ABR: variants seen among roughly 807,000 people sequenced by gnomAD.
ABR encodes the protein ABR activator of RhoGEF and GTPase.
ABR carries 35 observed loss-of-function variants against 107.2 expected under a neutral mutation model. The observed-to-expected ratio is 0.33, with a 90% CI of 0.25 to 0.43. ABR has a LOEUF of 0.43. ABR is among the 20% of genes least tolerant of loss of function. The pLI is 1.00. For missense variants in ABR, 815 were observed against 1,115.2 expected (o/e 0.73, Z 3.83); for synonymous variants, 498 against 462.0 (o/e 1.08, Z -1.00).
At chr17:1,222,585 GTAGGAAATTCATTTCCCATAAAGAT>G (rs1413306916) in intron 1 of ABR, among the ~76,000 whole-genome samples, 2 of 152,166 alleles carry the variant, frequency 1.3e-5, no homozygotes, top group Non-Finnish European at 2.9e-5. Flanking sequence ...TGACTACTTA[GTAGGAAATTCATTTCCCATAAAGAT>G]TAAAAATAAA....
chr17:1,010,671 G>A lies in ABR; in HGVS notation c.2236+58C>T, dbSNP rs1369007849. 6.3e-7 allele frequency: 1 copy of A among 1,589,758 alleles called. No individual in the cohort carries two copies. The highest frequency in any genetic ancestry group is 1.1e-5 in the South Asian group (1 of 90,036). ...TTTCTCCTGCTGGTTACTTCTCCGG[G>A]CAGGGAGTCCTGGCTCAGTCTGGCC... On this transcript the variant is annotated intron_variant, in intron 20 of 22. Coordinates refer to ENST00000302538, the MANE Select transcript of ABR (RefSeq NM_021962.5). The surrounding 1 kb of genome is among the most constrained non-coding windows in gnomAD (Gnocchi z 4.1).
intron 1 of ABR, among the ~76,000 whole-genome samples, chr17:1,149,138 C>T (rs1030635986): frequency 2.0e-5 from 3 of 152,094 alleles, no homozygotes; most frequent in Non-Finnish European, 4.4e-5. Context: ...CTCCTGACCT[C>T]GTGGTCCACC....
chr17:1,074,588 A>G (rs2035549766), intron 6 of ABR, among the ~76,000 whole-genome samples: 1 of 152,266 alleles, frequency 6.6e-6, no homozygotes, highest in Non-Finnish European at 1.5e-5. Context: ...TGGGATTGGC[A>G]TGCCTCACTG....
At position 1,089,086 on chromosome 17, in the gene ABR, T is replaced by TG. The variant is rs376974885; in HGVS notation, c.531+2578dup. 4.6e-5 allele frequency among the ~76,000 whole-genome samples: 7 copies of TG among 151,546 alleles called. No individual in the cohort carries two copies. The South Asian group carries it at 1.5e-3, about 32-fold the overall frequency. The stretch of plus-strand genomic sequence containing the variant: ...AATTTTTTTGTATTTTTAGTAGAGA[T>TG]GGGGTTCCACCATGTAGGCCAGGCT... On this transcript the variant is annotated intron_variant, in intron 4 of 22. Transcript: ENST00000302538.
intron 3 of ABR, among the ~76,000 whole-genome samples, chr17:1,097,943 C>T (rs1466122040): frequency 6.6e-6 from 1 of 152,126 alleles, no homozygotes; most frequent in Non-Finnish European, 1.5e-5. Context: ...TATGAGGTCC[C>T]GAAAGCATCT....
intron 1 of ABR, among the ~76,000 whole-genome samples, chr17:1,217,115 G>C (rs1343736028): frequency 6.6e-6 from 1 of 152,132 alleles, no homozygotes; most frequent in East Asian, 1.9e-4. Flanking sequence ...TCCTCAAGAT[G>C]CTTTAAAATA....
At chr17:1,077,809 G>C (rs1441749835) in intron 6 of ABR, among the ~76,000 whole-genome samples, 3 of 152,182 alleles carry the variant, frequency 2.0e-5, no homozygotes, top group Admixed American at 6.5e-5. Context: ...GAAGAGGAAG[G>C]TCCTAAAACC....
At position 1,128,778 on chromosome 17, in the gene ABR, C is replaced by G. The variant is rs1051465443; in HGVS notation, c.62-3411G>C. On this transcript the variant is annotated intron_variant, in intron 1 of 22. Coordinates refer to ENST00000302538, the MANE Select transcript of ABR (RefSeq NM_021962.5). ...ACAGTGGAGCCCACCCCAGGAAGGT[C>G]TACCTCGGGACGTTTTCACAAGCTG... 1.1e-4 allele frequency among the ~76,000 whole-genome samples: 17 copies of G among 148,412 alleles called. No homozygotes were observed. The South Asian group carries it at 3.8e-3, about 33-fold the overall frequency.
intron 1 of ABR, among the ~76,000 whole-genome samples, chr17:1,204,259 G>A (rs2042745227): frequency 6.6e-6 from 1 of 152,192 alleles, no homozygotes; most frequent in Non-Finnish European, 1.5e-5. Context: ...AGCCTGGACG[G>A]CATGGTGAAA....
At chr17:1,197,124 G>C (rs1030132347) in intron 1 of ABR, among the ~76,000 whole-genome samples, 1 of 151,562 alleles carries the variant, frequency 6.6e-6, no homozygotes, top group Non-Finnish European at 1.5e-5. Flanking sequence ...ATCGGATCTC[G>C]GGGGCATCTC....
Position 1,151,592 on chromosome 17 carries a change from A to G in ABR, c.62-26225T>C, listed in dbSNP as rs150637508. On this transcript the variant is annotated intron_variant, in intron 1 of 22. Transcript: ENST00000302538. ...GAGAGATTGTCATGGTTTTTCCAGC[A>G]GGGGATGGAGAAGTGTGTTTCTTCA... Among the ~76,000 whole-genome samples, 868 of 152,316 alleles carry G rather than the reference A, an allele frequency of 5.7e-3. 5 individuals carry two copies. The highest frequency in any genetic ancestry group is 6.8e-3 in the Middle Eastern group (2 of 294).
At chr17:1,151,936 C>T (rs1035880710) in intron 1 of ABR, among the ~76,000 whole-genome samples, 6 of 151,912 alleles carry the variant, frequency 3.9e-5, no homozygotes, top group South Asian at 2.1e-4. Context: ...AGGTGGATCA[C>T]GAGGTCAGGA....
At chr17:1,101,479 C>T (rs1490255375) in intron 2 of ABR, among the ~76,000 whole-genome samples, 3 of 152,136 alleles carry the variant, frequency 2.0e-5, no homozygotes, top group African/African-American at 7.2e-5. Context: ...TCTTCCTCTC[C>T]TCCTGCCTGT....
intron 16 of ABR, chr17:1,031,533 AG>A: frequency 1.5e-4 from 14 of 93,698 alleles, no homozygotes; most frequent in East Asian, 4.9e-4. Context: ...CAGCCCCCGC[AG>A]CCCCCCGAGC....
chr17:1,125,183 C>T lies in ABR; in HGVS notation c.246G>A (p.Gly82=). 1 of 1,576,624 alleles carries T rather than the reference C, an allele frequency of 6.3e-7. No homozygotes were observed. ...CAGAAAGAAAAGCCGGTGTACCTAC[C>T]CCAGGAGCCAGTCCCTCAGGTGGAG... ...SPTPPEGLAP[G]VEAGKGLEMR... is the part of the protein sequence containing the mutation. The change falls in exon 2 of 23, where the codon GGG becomes GGA. Residue 82 remains glycine, a splice_region_variant and synonymous_variant. Coordinates refer to ENST00000302538, the MANE Select transcript of ABR (RefSeq NM_021962.5).
At chr17:1,190,925 AG>A (rs1296349358), upstream of ABR, among the ~76,000 whole-genome samples, 1 of 152,250 alleles carries the variant, frequency 6.6e-6, no homozygotes, top group African/African-American at 2.4e-5. Flanking sequence ...GAAATATGAT[AG>A]AAATGGATTC....
At chr17:1,041,554 A>G (rs1021074000) in intron 16 of ABR, among the ~76,000 whole-genome samples, 1 of 152,022 alleles carries the variant, frequency 6.6e-6, no homozygotes, top group African/African-American at 2.4e-5. Flanking sequence ...CCAACATGGC[A>G]AAACCCCGTC....
intron 2 of ABR, among the ~76,000 whole-genome samples, chr17:1,107,603 A>G (rs1310775159): frequency 2.0e-5 from 3 of 152,140 alleles, no homozygotes; most frequent in African/African-American, 7.2e-5. Context: ...TGAGGGCCAC[A>G]CACCTCCCAT....
At position 1,091,679 on chromosome 17, in the gene ABR, G is replaced by A; in HGVS notation, c.517C>T (p.Leu173Phe). 3.1e-6 allele frequency: 5 copies of A among 1,613,632 alleles called. No homozygotes were observed. Among genetic ancestry groups the A allele is most frequent in the Non-Finnish European group, 4.2e-6 (5 of 1,179,672 alleles). The change falls in exon 4 of 23, where the codon CTC becomes TTC. Residue 173 changes from leucine (L) to phenylalanine (F), a missense_variant. This residue lies in a region of ABR where 385 missense variants were observed against 596.9 expected (regional missense o/e 0.64). Coordinates refer to ENST00000302538, the MANE Select transcript of ABR (RefSeq NM_021962.5). ...GGCAGACTCACCAGCTTCTGGAAGA[G>A]GTGGCCCATGGTGACCTGGCTGTCC... Reference protein sequence around the residue: ...QWDSQVTMGHLFQKLASQLGV... With the variant: ...QWDSQVTMGHFFQKLASQLGV...
Sources: allele counts gnomAD v4.1 joint callset (sites outside exome capture counted in the v4.1 genomes callset), GRCh38; gene constraint gnomAD v4.1.1; regional missense constraint gnomAD v4.1.1; non-coding constraint Gnocchi (gnomAD v3.1); transcripts MANE v1.5; gene names NCBI Gene and HGNC (gene_info 2026-07-23, HGNC 2026-07-21).